The following ZNF503 variants were observed in gnomAD, a reference collection of about 807,000 sequenced individuals.
ZNF503 encodes the protein NocA-like zinc finger 2.
In ZNF503, 15 loss-of-function variants were observed where a neutral mutation model predicts 34.4. The ratio of observed to expected loss-of-function variants is 0.44; its 90% CI spans 0.29 to 0.67. ZNF503 has a LOEUF of 0.67. Among genes scored for constraint, ZNF503 ranks in the 30% least tolerant of loss-of-function variants. The pLI is 0.13. For missense variants in ZNF503, 1,007 were observed against 926.8 expected (o/e 1.09, Z -1.12); for synonymous variants, 580 against 456.8 (o/e 1.27, Z -3.44).
the ZNF503 span, among the ~76,000 whole-genome samples, chr10:75,300,859 C>T: frequency 1.3e-5 from 2 of 151,904 alleles, no homozygotes; most frequent in Non-Finnish European, 2.9e-5. Flanking sequence ...ACGTGTGCCA[C>T]TACTCTCTGC....
chr10:75,401,257 G>T lies in ZNF503; in HGVS notation c.163C>A (p.Pro55Thr), dbSNP rs756210383. ...GAGGGGGGCACGGCGTGCACAAAAGGCTTGGTGCTGCCGGCCGGGGACGAG... is the reference window on the plus strand; with the variant it reads ...GAGGGGGGCACGGCGTGCACAAAAGTCTTGGTGCTGCCGGCCGGGGACGAG... ...PGSSPAGSTK[P>T]FVHAVPPSDP... Residue 55 changes from proline (P) to threonine (T), a missense_variant, in exon 1 of 2, where the codon CCT becomes ACT. Physicochemically the swap from Pro to Thr is conservative, Grantham distance 38. Coordinates refer to ENST00000372524, the MANE Select transcript of ZNF503 (RefSeq NM_032772.6). 3.7e-6 allele frequency: 6 copies of T among 1,602,046 alleles called. No individual in the cohort carries two copies. Among genetic ancestry groups the T allele is most frequent in the South Asian group, 2.2e-5 (2 of 89,692 alleles).
At chr10:75,377,706 G>A in the ZNF503 span, among the ~76,000 whole-genome samples, 1 of 152,212 alleles carries the variant, frequency 6.6e-6, no homozygotes, top group Non-Finnish European at 1.5e-5. Context: ...TAATCCCAGG[G>A]TTGCTGCATG....
At chr10:75,356,360 G>T in the ZNF503 span, among the ~76,000 whole-genome samples, 1 of 152,134 alleles carries the variant, frequency 6.6e-6, no homozygotes, top group African/African-American at 2.4e-5. Context: ...GGGACTACAC[G>T]CACCTGCCAC....
the ZNF503 span, among the ~76,000 whole-genome samples, chr10:75,379,807 T>C: frequency 2.0e-5 from 3 of 152,240 alleles, no homozygotes; most frequent in South Asian, 6.2e-4. Flanking sequence ...AAAGTGACAC[T>C]CGAGGAACCA....
chr10:75,377,452 G>A, the ZNF503 span, among the ~76,000 whole-genome samples: 1 of 152,316 alleles, frequency 6.6e-6, no homozygotes, highest in South Asian at 2.1e-4. Context: ...GACCTGGGCT[G>A]GGGAGTTTTT....
At chr10:75,322,783 G>A in the ZNF503 span, among the ~76,000 whole-genome samples, 3 of 152,184 alleles carry the variant, frequency 2.0e-5, no homozygotes, top group Admixed American at 1.3e-4. Context: ...TGAGGCTGAA[G>A]TGAACTGTAT....
chr10:75,362,132 A>G, the ZNF503 span, among the ~76,000 whole-genome samples: 1 of 152,164 alleles, frequency 6.6e-6, no homozygotes, highest in African/African-American at 2.4e-5. Flanking sequence ...GCAAAGCCCT[A>G]ACTTCACTGG....
the ZNF503 span, among the ~76,000 whole-genome samples, chr10:75,379,831 A>G: frequency 6.6e-6 from 1 of 152,226 alleles, no homozygotes; most frequent in Admixed American, 6.5e-5. Flanking sequence ...GGAAGCGTGG[A>G]CGCAAATTTC....
At chr10:75,341,283 T>C in the ZNF503 span, among the ~76,000 whole-genome samples, 1 of 152,232 alleles carries the variant, frequency 6.6e-6, no homozygotes, top group Non-Finnish European at 1.5e-5. Flanking sequence ...AACTATAATA[T>C]AAACATTGGC....
chr10:75,317,940 G>A, the ZNF503 span, among the ~76,000 whole-genome samples: 1 of 151,788 alleles, frequency 6.6e-6, no homozygotes, highest in African/African-American at 2.4e-5. Context: ...AGGTTGCAGT[G>A]AGCTGAGATC....
At chr10:75,284,389 T>TGCGTTGCG in the ZNF503 span, among the ~76,000 whole-genome samples, 1 of 139,142 alleles carries the variant, frequency 7.2e-6, no homozygotes, top group African/African-American at 2.7e-5. Context: ...GGGGCGTTGG[T>TGCGTTGCG]GGGGAGGGTT....
At chr10:75,309,762 T>C in the ZNF503 span, among the ~76,000 whole-genome samples, 1 of 152,140 alleles carries the variant, frequency 6.6e-6, no homozygotes, top group African/African-American at 2.4e-5. Flanking sequence ...GATGACTATA[T>C]TTTTTATTTT....
the ZNF503 span, among the ~76,000 whole-genome samples, chr10:75,307,627 G>A: frequency 1.4e-4 from 22 of 152,236 alleles, no homozygotes; most frequent in Non-Finnish European, 2.9e-4. Context: ...AATGGAAGAA[G>A]ATGTCATTTA....
At chr10:75,338,650 G>A in the ZNF503 span, among the ~76,000 whole-genome samples, 1 of 152,132 alleles carries the variant, frequency 6.6e-6, no homozygotes, top group African/African-American at 2.4e-5. Flanking sequence ...CTCTCTCCTG[G>A]GACTTTTGAG....
the ZNF503 span, among the ~76,000 whole-genome samples, chr10:75,362,835 G>T: frequency 6.6e-6 from 1 of 152,120 alleles, no homozygotes; most frequent in African/African-American, 2.4e-5. Context: ...CTCAGCTTCA[G>T]CTGGGAATCG....
At chr10:75,358,975 G>A in the ZNF503 span, 2 of 152,226 alleles carry the variant, frequency 1.3e-5, no homozygotes, top group African/African-American at 4.8e-5. Context: ...CCTGGGTGCA[G>A]CGGTCCTTCT....
the ZNF503 span, among the ~76,000 whole-genome samples, chr10:75,304,483 A>AAAACATTTCTTCATTCTCTCTCT: frequency 6.6e-6 from 1 of 152,184 alleles, no homozygotes; most frequent in Non-Finnish European, 1.5e-5. Flanking sequence ...AAACATATGG[A>AAAACATTTCTTCATTCTCTCTCT]GTCATGCCTT....
At chr10:75,308,737 G>C in the ZNF503 span, among the ~76,000 whole-genome samples, 1 of 152,242 alleles carries the variant, frequency 6.6e-6, no homozygotes, top group African/African-American at 2.4e-5. Flanking sequence ...AGATGTGGTA[G>C]AAATAGCAAG....
chr10:75,323,991 C>CAA, the ZNF503 span, among the ~76,000 whole-genome samples: 103 of 42,240 alleles, frequency 2.4e-3, no homozygotes, highest in Non-Finnish European at 4.0e-3. Context: ...AACTCCGTCT[C>CAA]AAAAAAAAAA....
Sources: gnomAD v4.1 joint callset for allele counts (sites outside exome capture counted in the v4.1 genomes callset) on GRCh38, gnomAD v4.1.1 for gene constraint, MANE v1.5 for transcripts, NCBI Gene and HGNC (gene_info 2026-07-23, HGNC 2026-07-21) for gene names.